The following SDCCAG8 variants were observed in gnomAD, a reference collection of about 807,000 sequenced individuals.
SDCCAG8 encodes serologically defined colon cancer antigen 8.
SDCCAG8 carries 74 observed loss-of-function variants against 101.8 expected under a neutral mutation model. The observed-to-expected ratio is 0.73, with a 90% confidence interval of 0.60 to 0.88. The LOEUF is 0.88. SDCCAG8 is among the 40% of genes least tolerant of loss of function. SDCCAG8 has a pLI of 0.00. For synonymous variants in SDCCAG8, 281 were observed against 292.9 expected, an observed-to-expected ratio of 0.96 and a Z score of 0.41; for missense variants, 787 against 822.6, an observed-to-expected ratio of 0.96 and a Z score of 0.53.
At chr1:243,310,966 CA>C (rs1158685997) in intron 8 of SDCCAG8, among the ~76,000 whole-genome samples, 2 of 152,190 alleles carry the variant, frequency 1.3e-5, no homozygotes, top group Admixed American at 1.3e-4. Flanking sequence ...CATGAGTACA[CA>C]AGTATTTTCA....
intron 1 of SDCCAG8, among the ~76,000 whole-genome samples, chr1:243,257,240 A>G (rs1345204038): frequency 1.3e-5 from 2 of 152,226 alleles, no homozygotes. Context: ...TATTCTACTA[A>G]ATGTAATAAA....
At chr1:243,324,068 C>T (rs184596358) in intron 9 of SDCCAG8, among the ~76,000 whole-genome samples, 7 of 152,256 alleles carry the variant, frequency 4.6e-5, no homozygotes, top group South Asian at 4.1e-4. Context: ...CCAGTGAATA[C>T]ACCCACATTA....
intron 1 of SDCCAG8, among the ~76,000 whole-genome samples, chr1:243,261,377 G>T (rs2067180677): frequency 6.6e-6 from 1 of 152,314 alleles, no homozygotes; most frequent in East Asian, 1.9e-4. Flanking sequence ...TGAGAGTAAG[G>T]AGTTGAACCA....
At chr1:243,294,726 G>A (rs55898123) in intron 6 of SDCCAG8, among the ~76,000 whole-genome samples, 6,989 of 129,014 alleles carry the variant, frequency 0.054, 635 homozygotes, top group African/African-American at 0.19. Flanking sequence ...GCCTTTGAAC[G>A]TCCTAATTTC....
chr1:243,338,124 G>A (rs2147771472), intron 10 of SDCCAG8, among the ~76,000 whole-genome samples: 1 of 152,100 alleles, frequency 6.6e-6, no homozygotes, highest in Non-Finnish European at 1.5e-5. Context: ...GTCTCATTAT[G>A]TTGCCCAGGC....
At chr1:243,282,487 C>A (rs1333109431) in intron 4 of SDCCAG8, among the ~76,000 whole-genome samples, 1 of 152,056 alleles carries the variant, frequency 6.6e-6, no homozygotes, top group Non-Finnish European at 1.5e-5. Flanking sequence ...ATCTTATATC[C>A]ACTTATTCCT....
chr1:243,411,981 C>G (rs749722065), intron 13 of SDCCAG8, among the ~76,000 whole-genome samples: 5 of 152,280 alleles, frequency 3.3e-5, no homozygotes, highest in Admixed American at 3.3e-4. Flanking sequence ...TCACCAGGCT[C>G]TCACACCCAG....
In SDCCAG8 at chr1:243,426,416, T is replaced by C; in HGVS notation, c.1854-11T>C. The C allele has an allele frequency of 1.2e-6, 2 of 1,611,286 alleles. No individual in the cohort carries two copies. Among genetic ancestry groups the C allele is most frequent in the Non-Finnish European group, 1.7e-6 (2 of 1,177,854 alleles). ...TTCTAACATCTATTATTTTTGTGTT[T>C]TCACCTCTAGATCTGAAATAGCTCA... is the stretch of plus-strand genomic sequence containing the variant. On this transcript the variant is annotated splice_polypyrimidine_tract_variant and intron_variant, in intron 15 of 17. Coordinates refer to ENST00000366541, the MANE Select transcript of SDCCAG8 (RefSeq NM_006642.5).
intron 16 of SDCCAG8, among the ~76,000 whole-genome samples, chr1:243,478,773 G>A (rs558665969): frequency 3.3e-5 from 5 of 152,086 alleles, no homozygotes; most frequent in African/African-American, 7.2e-5. Context: ...CCTGGCCAAC[G>A]TGGTTAAACC....
chr1:243,293,449 C>T (rs1166758826), intron 6 of SDCCAG8: 1 of 648,724 alleles, frequency 1.5e-6, no homozygotes, highest in Non-Finnish European at 2.8e-6. Context: ...AACAATATCT[C>T]CATTCCCCTC....
At chr1:243,484,212 T>C (rs561860124) in intron 16 of SDCCAG8, among the ~76,000 whole-genome samples, 5 of 152,376 alleles carry the variant, frequency 3.3e-5, no homozygotes, top group South Asian at 4.1e-4. Context: ...CTGGTTTGGC[T>C]ACAGAGTCCA....
intron 16 of SDCCAG8, among the ~76,000 whole-genome samples, chr1:243,429,846 C>T (rs1453857860): frequency 8.6e-5 from 13 of 151,908 alleles, no homozygotes; most frequent in African/African-American, 2.2e-4. Context: ...GGATTACAGG[C>T]GCCTGCCACC....
chr1:243,438,852 A>G (rs2082332746), intron 16 of SDCCAG8, among the ~76,000 whole-genome samples: 1 of 152,032 alleles, frequency 6.6e-6, no homozygotes, highest in Non-Finnish European at 1.5e-5. Context: ...TGACATTTTC[A>G]CCAGTGATTT....
intron 16 of SDCCAG8, among the ~76,000 whole-genome samples, chr1:243,427,530 G>T (rs2081419906): frequency 6.6e-6 from 1 of 151,962 alleles, no homozygotes; most frequent in African/African-American, 2.4e-5. Flanking sequence ...CAGTGGACAC[G>T]GTTCGCGTGG....
chr1:243,316,950 T>G, intron 9 of SDCCAG8, 57 bp downstream of exon 9: 1 of 1,551,408 alleles, frequency 6.4e-7, no homozygotes, highest in East Asian at 2.3e-5. Flanking sequence ...TTTTTTCTTC[T>G]GAGTATTTAT....
intron 13 of SDCCAG8, among the ~76,000 whole-genome samples, chr1:243,413,552 A>T (rs2080336256): frequency 6.6e-6 from 1 of 152,222 alleles, no homozygotes; most frequent in African/African-American, 2.4e-5. Context: ...ATTCTAAAGA[A>T]TGATGGTGAG....
At position 243,462,209 on chromosome 1, in the gene SDCCAG8, C is replaced by T. The variant is rs1659250123; in HGVS notation, c.1986-26805C>T. On this transcript the variant is annotated intron_variant, in intron 16 of 17. Transcript: ENST00000366541. Reference sequence around the variant, plus strand: ...TTCTGCCCTTCCCCATTTGCCAGAACTCAAGTCACCTGGCTCAACCAACTG... The same window carrying T: ...TTCTGCCCTTCCCCATTTGCCAGAATTCAAGTCACCTGGCTCAACCAACTG... 1.3e-5 allele frequency among the ~76,000 whole-genome samples: 2 copies of T among 152,232 alleles called. 1 individual carries two copies. Among genetic ancestry groups the T allele is most frequent in the South Asian group, 4.1e-4 (2 of 4,832 alleles).
intron 12 of SDCCAG8, among the ~76,000 whole-genome samples, chr1:243,365,546 A>G (rs1355651979): frequency 6.6e-6 from 1 of 152,160 alleles, no homozygotes; most frequent in East Asian, 1.9e-4. Context: ...ATTTGGTATA[A>G]GAGTTTTAAT....
At chr1:243,291,176 G>C (rs907387838) in intron 5 of SDCCAG8, among the ~76,000 whole-genome samples, 1 of 152,132 alleles carries the variant, frequency 6.6e-6, no homozygotes, top group Non-Finnish European at 1.5e-5. Context: ...TTGGCCCTTA[G>C]CAAGTGCTCA....
Sources: gnomAD v4.1 joint callset for allele counts (sites outside exome capture counted in the v4.1 genomes callset) on GRCh38, gnomAD v4.1.1 for gene constraint, MANE v1.5 for transcripts, NCBI Gene and HGNC (gene_info 2026-07-23, HGNC 2026-07-21) for gene names.